Variants in SLC9A9 observed in about 807,000 individuals in gnomAD.
SLC9A9 encodes the protein solute carrier family 9 member A9.
A neutral mutation model predicts 77.8 loss-of-function variants in SLC9A9; 62 were observed. That is an observed-to-expected ratio of 0.80 (90% CI 0.65 to 0.98). The LOEUF is 0.98. Ranked by LOEUF, SLC9A9 falls within the 50% of genes least tolerant of loss-of-function variation. The pLI is 0.00. For synonymous variants in SLC9A9, 320 were observed against 283.5 expected (o/e 1.13, Z -1.29); for missense variants, 775 against 774.9 (o/e 1.00, Z 0.00).
intron 14 of SLC9A9, among the ~76,000 whole-genome samples, chr3:143,312,148 A>G (rs1407473705): frequency 6.6e-6 from 1 of 152,262 alleles, no homozygotes; most frequent in African/African-American, 2.4e-5. Context: ...GTCAGAGGAT[A>G]TGGCATAACC....
intron 14 of SLC9A9, among the ~76,000 whole-genome samples, chr3:143,304,361 T>C (rs536910417): frequency 1.1e-3 from 171 of 152,358 alleles, no homozygotes; most frequent in Admixed American, 2.2e-3. Context: ...GAGGCGCATA[T>C]GTTTGACTCC....
chr3:143,836,685 C>T (rs781204544), intron 1 of SLC9A9, among the ~76,000 whole-genome samples: 3 of 152,156 alleles, frequency 2.0e-5, no homozygotes, highest in Non-Finnish European at 4.4e-5. Context: ...TGAGCCTTAC[C>T]TTCCTGAACT....
At chr3:143,711,682 C>T (rs1430198509) in intron 4 of SLC9A9, among the ~76,000 whole-genome samples, 1 of 151,724 alleles carries the variant, frequency 6.6e-6, no homozygotes. Context: ...CTCCTGGCCT[C>T]CCAAAGTGCT....
intron 14 of SLC9A9, among the ~76,000 whole-genome samples, chr3:143,321,300 CA>C (rs1270212056): frequency 3.3e-5 from 5 of 152,176 alleles, no homozygotes; most frequent in African/African-American, 1.2e-4. Context: ...CGGAGCAAGG[CA>C]GTATGTTTTT....
chr3:143,396,847 T>G (rs908931987), intron 12 of SLC9A9, among the ~76,000 whole-genome samples: 2 of 152,186 alleles, frequency 1.3e-5, no homozygotes, highest in Admixed American at 1.3e-4. Context: ...GTTTTGGACT[T>G]AAGAGTGGGG....
At chr3:143,405,051 C>G (rs906553860) in intron 12 of SLC9A9, among the ~76,000 whole-genome samples, 9 of 152,196 alleles carry the variant, frequency 5.9e-5, no homozygotes, top group African/African-American at 1.9e-4. Flanking sequence ...GCACTAGTAG[C>G]TCTCAGGGGC....
chr3:143,365,577 T>C lies in SLC9A9; in HGVS notation c.1525-2014A>G, dbSNP rs545444171. Among the ~76,000 whole-genome samples, 44 of 152,352 alleles carry C rather than the reference T, an allele frequency of 2.9e-4. No individual in the cohort carries two copies. The South Asian group carries it at 9.1e-3, about 32-fold the overall frequency. On this transcript the variant is annotated intron_variant, in intron 13 of 15. Coordinates refer to ENST00000316549, the MANE Select transcript of SLC9A9 (RefSeq NM_173653.4). ...CTGTGGGACACTGATGATCTTTTCC[T>C]GGACATTAGAGTTCCACAGGTCTCT...
chr3:143,801,487 A>G (rs2008556117), intron 2 of SLC9A9, among the ~76,000 whole-genome samples: 1 of 151,924 alleles, frequency 6.6e-6, no homozygotes, highest in Non-Finnish European at 1.5e-5. Context: ...GACTCCCACC[A>G]TTACCATTGT....
chr3:143,704,995 ATATCTATCTATCTATCTATC>A (rs61441328), intron 4 of SLC9A9, among the ~76,000 whole-genome samples: 3 of 116,010 alleles, frequency 2.6e-5, no homozygotes, highest in Non-Finnish European at 5.6e-5. Flanking sequence ...TCCATCTCAA[ATATCTATCTATCTATCTATC>A]TATCTATCTA....
At chr3:143,699,182 A>G (rs778685587) in intron 4 of SLC9A9, among the ~76,000 whole-genome samples, 70 of 152,280 alleles carry the variant, frequency 4.6e-4, no homozygotes, top group Non-Finnish European at 9.6e-4. Context: ...TTACACATTG[A>G]CTCATTCATT....
chr3:143,578,903 T>A (rs1391344838), intron 6 of SLC9A9, among the ~76,000 whole-genome samples, 180 bp from the exon 7 acceptor site: 1 of 152,192 alleles, frequency 6.6e-6, no homozygotes, highest in Non-Finnish European at 1.5e-5. Flanking sequence ...TTCTGCTTCC[T>A]TATAGCCCCA....
intron 5 of SLC9A9, among the ~76,000 whole-genome samples, chr3:143,662,803 G>A (rs185931578): frequency 1.6e-3 from 246 of 152,242 alleles, no homozygotes; most frequent in Middle Eastern, 6.8e-3. Context: ...CAGCTGGGAA[G>A]CTCGAACTGG....
chr3:143,328,882 G>A (rs1167533316), intron 14 of SLC9A9, among the ~76,000 whole-genome samples: 1 of 152,198 alleles, frequency 6.6e-6, no homozygotes, highest in East Asian at 1.9e-4. Flanking sequence ...CTGCAAGTCT[G>A]AATGTTTTGT....
chr3:143,652,810 C>CACAT (rs113827008), intron 5 of SLC9A9, among the ~76,000 whole-genome samples: 4,500 of 148,232 alleles, frequency 0.03, 113 homozygotes, highest in Middle Eastern at 0.08. Flanking sequence ...CACACACACA[C>CACAT]ACTTCTTGCT....
intron 2 of SLC9A9, among the ~76,000 whole-genome samples, chr3:143,805,217 C>A (rs147943311): frequency 3.3e-5 from 5 of 152,034 alleles, no homozygotes; most frequent in African/African-American, 7.3e-5. Flanking sequence ...CATCCAAAAC[C>A]GTATCCAGGC....
intron 6 of SLC9A9, among the ~76,000 whole-genome samples, chr3:143,619,223 A>T (rs1281301011): frequency 6.6e-6 from 1 of 152,256 alleles, no homozygotes; most frequent in Non-Finnish European, 1.5e-5. Context: ...TGCTGCCACT[A>T]TAAAGATTAT....
intron 6 of SLC9A9, among the ~76,000 whole-genome samples, chr3:143,596,785 C>T (rs972436069): frequency 1.1e-4 from 16 of 152,082 alleles, no homozygotes; most frequent in Non-Finnish European, 2.1e-4. Flanking sequence ...GCCTCATCCT[C>T]CCATGTAGTT....
intron 6 of SLC9A9, among the ~76,000 whole-genome samples, chr3:143,635,945 T>A (rs2038513735): frequency 6.6e-6 from 1 of 152,236 alleles, no homozygotes; most frequent in Non-Finnish European, 1.5e-5. Context: ...TTCAGTGTTT[T>A]TCTTAGTTTT....
rs1937738941 is a variant in SLC9A9, at chr3:143,266,868, T to C, written c.1772A>G (p.Tyr591Cys). The change falls in exon 16 of 16, where the codon TAC becomes TGC. Residue 591 changes from tyrosine to cysteine, a missense_variant. Transcript: ENST00000316549. Reference sequence around the variant, plus strand: ...GCAGGGTGAGGAGGCTTGCTCCTGGTAATTTATGGCTAGTTCATCCTGGTT... The same window carrying C: ...GCAGGGTGAGGAGGCTTGCTCCTGGCAATTTATGGCTAGTTCATCCTGGTT... ...IVNQDELAIN[Y>C]QEQASSPCSP... The C allele has an allele frequency of 1.9e-6, 3 of 1,614,192 alleles. No homozygotes were observed. Among genetic ancestry groups the C allele is most frequent in the South Asian group, 1.1e-5 (1 of 91,084 alleles).
Sources: allele counts gnomAD v4.1 joint callset (sites outside exome capture counted in the v4.1 genomes callset), GRCh38; gene constraint gnomAD v4.1.1; transcripts MANE v1.5; gene names NCBI Gene and HGNC (gene_info 2026-07-23, HGNC 2026-07-21).